The following LCOR variants were observed in gnomAD, a reference collection of about 807,000 sequenced individuals.
LCOR encodes ligand dependent nuclear receptor corepressor.
Under a neutral mutation model 64.4 loss-of-function variants are expected in LCOR, and 14 were observed. That is an observed-to-expected ratio of 0.22 (90% confidence interval 0.14 to 0.34). The LOEUF is 0.34. LCOR is among the 10% of genes least tolerant of loss of function. The probability of loss-of-function intolerance (pLI) is 1.00; values close to 1 mark genes in which losing one functional copy is unlikely to be tolerated. For missense variants in LCOR, 1,686 were observed against 1,765.3 expected, an observed-to-expected ratio of 0.96 and a Z score of 0.80; for synonymous variants, 643 against 642.5, an observed-to-expected ratio of 1.00 and a Z score of -0.01.
intron 5 of LCOR, among the ~76,000 whole-genome samples, chr10:96,948,525 T>G (rs925905723): frequency 1.3e-5 from 2 of 152,236 alleles, no homozygotes; most frequent in African/African-American, 4.8e-5. Flanking sequence ...ATCTTAAAAT[T>G]AAGTATCTCC....
At position 96,892,431 on chromosome 10, in the gene LCOR, T is replaced by C. The variant is rs151151651; in HGVS notation, c.-329-14834T>C. Among the ~76,000 whole-genome samples, 501 of 152,318 alleles carry C rather than the reference T, an allele frequency of 3.3e-3. 3 individuals are homozygous for C. Among genetic ancestry groups the C allele is most frequent in the African/African-American group, 0.012 (480 of 41,570 alleles). On this transcript the variant is annotated intron_variant, in intron 2 of 7. Coordinates refer to ENST00000421806, the MANE Select transcript of LCOR (RefSeq NM_001346516.2). ...TAAAAAAAATTATTTCTCACAGTTC[T>C]GGAGGCTGGGAAGTTCAAGATCAAG...
rs959593754 is a variant in LCOR, at chr10:96,995,627, T to C, written c.*10493T>C. 1 of 152,232 alleles carries C rather than the reference T, an allele frequency of 6.6e-6. No homozygotes were observed. Among genetic ancestry groups the C allele is most frequent in the African/African-American group, 2.4e-5 (1 of 41,456 alleles). 9.4% of individuals were successfully genotyped at this position (152,232 alleles called of 1,614,324 possible). ...TTAAGTTGCTTTAAAACAATATGTA[T>C]AGCTATAAAAGTTGGAGTTATTTTA... is the stretch of plus-strand genomic sequence containing the variant. On this transcript the variant is annotated 3_prime_UTR_variant, in exon 8 of 8. Coordinates refer to ENST00000421806, the MANE Select transcript of LCOR (RefSeq NM_001346516.2). The surrounding 1 kb of genome is among the most constrained non-coding windows in gnomAD (Gnocchi z 4.2).
intron 2 of LCOR, among the ~76,000 whole-genome samples, chr10:96,840,668 C>T (rs1431491955): frequency 6.6e-6 from 1 of 152,130 alleles, no homozygotes; most frequent in Non-Finnish European, 1.5e-5. Flanking sequence ...CAGGCATGAG[C>T]CACTGCTCCT....
intron 1 of LCOR, 84 bp downstream of exon 1, chr10:96,832,483 G>A (rs1318018182): frequency 1.0e-5 from 4 of 391,942 alleles, no homozygotes; most frequent in African/African-American, 2.2e-5. Context: ...TGGGGAAGTG[G>A]CAATTGCTGC....
chr10:96,978,788 C>T (rs1425227129), intron 7 of LCOR, among the ~76,000 whole-genome samples: 1 of 152,218 alleles, frequency 6.6e-6, no homozygotes, highest in Non-Finnish European at 1.5e-5. Context: ...AACCTTTTCA[C>T]TACTTGATCT....
At chr10:96,873,126 T>C (rs1257146465) in intron 2 of LCOR, among the ~76,000 whole-genome samples, 2 of 152,172 alleles carry the variant, frequency 1.3e-5, no homozygotes, top group Admixed American at 1.3e-4. Flanking sequence ...GGGGTTACAT[T>C]ATATATGCTG....
chr10:96,980,009 C>T (rs138368211), intron 7 of LCOR, among the ~76,000 whole-genome samples: 1,945 of 152,212 alleles, frequency 0.013, 52 homozygotes, highest in African/African-American at 0.045. Flanking sequence ...CCAGGCGTGG[C>T]GGCGTGCGCC....
chr10:96,938,886 C>T (rs934287900), intron 4 of LCOR, among the ~76,000 whole-genome samples: 1 of 152,164 alleles, frequency 6.6e-6, no homozygotes, highest in African/African-American at 2.4e-5. Flanking sequence ...CATGGAAAGA[C>T]ATGTTCATGG....
At chr10:96,923,453 A>G (rs1250297869) in intron 4 of LCOR, among the ~76,000 whole-genome samples, 1 of 152,162 alleles carries the variant, frequency 6.6e-6, no homozygotes, top group African/African-American at 2.4e-5. Context: ...AGGCCATCCT[A>G]CCCTTTCCTA....
chr10:96,919,265 T>G (rs1384968047), intron 4 of LCOR, among the ~76,000 whole-genome samples: 1 of 152,222 alleles, frequency 6.6e-6, no homozygotes, highest in Non-Finnish European at 1.5e-5. Context: ...GTGTTTCATT[T>G]GAATGTCTTA....
At chr10:96,921,392 C>T (rs1458929891) in intron 4 of LCOR, among the ~76,000 whole-genome samples, 1 of 152,062 alleles carries the variant, frequency 6.6e-6, no homozygotes, top group East Asian at 1.9e-4. Flanking sequence ...ACAATTAGGT[C>T]TTCAATCTAT....
At chr10:96,858,095 AAC>A (rs1845834123) in intron 2 of LCOR, among the ~76,000 whole-genome samples, 2 of 152,220 alleles carry the variant, frequency 1.3e-5, no homozygotes, top group Admixed American at 1.3e-4. Context: ...TAATGACTTT[AAC>A]ACAGTGATTT....
At chr10:96,890,645 TA>T (rs1220291846) in intron 2 of LCOR, among the ~76,000 whole-genome samples, 1 of 152,170 alleles carries the variant, frequency 6.6e-6, no homozygotes. Context: ...TTTTTGATAT[TA>T]GGGGAAAGCT....
chr10:96,914,494 G>C (rs924729381), intron 4 of LCOR, among the ~76,000 whole-genome samples: 2 of 152,236 alleles, frequency 1.3e-5, no homozygotes, highest in Admixed American at 6.5e-5. Flanking sequence ...ACCGCGCCTG[G>C]CCTTTATTGC....
At chr10:96,960,386 GCAT>G (rs1426644314) in intron 7 of LCOR, 1 of 152,134 alleles carries the variant, frequency 6.6e-6, no homozygotes, top group Non-Finnish European at 1.5e-5. Context: ...TGAGAGATTG[GCAT>G]CATTTTCTTT....
At chr10:96,916,163 C>G (rs1589653297) in intron 4 of LCOR, among the ~76,000 whole-genome samples, 1 of 152,246 alleles carries the variant, frequency 6.6e-6, no homozygotes, top group Admixed American at 6.5e-5. Flanking sequence ...TCCTGAGTAG[C>G]TGGGACTACA....
intron 4 of LCOR, among the ~76,000 whole-genome samples, chr10:96,931,314 A>T (rs1434538489): frequency 6.6e-6 from 1 of 151,388 alleles, no homozygotes; most frequent in African/African-American, 2.4e-5. Context: ...GTTCACTGCA[A>T]CTTCCGCCTC....
chr10:96,852,299 G>T (rs909242223), intron 2 of LCOR, among the ~76,000 whole-genome samples: 7 of 152,156 alleles, frequency 4.6e-5, no homozygotes, highest in African/African-American at 1.7e-4. Flanking sequence ...GCGCATGCCT[G>T]TAGTCCCAGC....
chr10:96,928,144 T>C (rs1847199520), intron 4 of LCOR, among the ~76,000 whole-genome samples: 2 of 152,170 alleles, frequency 1.3e-5, no homozygotes, highest in South Asian at 2.1e-4. Context: ...AAGACAACAA[T>C]GAAGTTTGCT....
Sources: gnomAD v4.1 joint callset for allele counts (sites outside exome capture counted in the v4.1 genomes callset) on GRCh38, gnomAD v4.1.1 for gene constraint, Gnocchi (gnomAD v3.1) non-coding constraint, MANE v1.5 for transcripts, NCBI Gene and HGNC (gene_info 2026-07-23, HGNC 2026-07-21) for gene names.